DMXL1: variants seen among roughly 807,000 people sequenced by gnomAD.
The protein encoded by DMXL1 is dmX-like protein 1.
DMXL1 carries 99 observed loss-of-function variants against 319.2 expected under a neutral mutation model. The observed-to-expected ratio is 0.31, with a 90% CI of 0.26 to 0.37. The LOEUF (loss-of-function observed/expected upper bound fraction) is 0.37, where lower values mean the gene tolerates loss of function less well. Among genes scored for constraint, DMXL1 ranks in the 10% least tolerant of loss-of-function variants. The pLI is 1.00. For synonymous variants in DMXL1, 1,385 were observed against 1,235.2 expected (o/e 1.12, Z -2.54); for missense variants, 3,745 against 3,595.6 (o/e 1.04, Z -1.06).
At chr5:119,141,438 A>C (rs914082316) in intron 13 of DMXL1, among the ~76,000 whole-genome samples, 1 of 152,202 alleles carries the variant, frequency 6.6e-6, no homozygotes, top group Admixed American at 6.5e-5. Context: ...AGAAATGACT[A>C]GCATTCCTAT....
intron 1 of DMXL1, among the ~76,000 whole-genome samples, chr5:119,079,227 G>A (rs1268348110): frequency 6.6e-6 from 1 of 152,090 alleles, no homozygotes; most frequent in Non-Finnish European, 1.5e-5. Flanking sequence ...TCATTCAGAT[G>A]GCAGCTCCCT....
At chr5:119,119,765 C>T (rs1248693059) in intron 8 of DMXL1, among the ~76,000 whole-genome samples, 2 of 152,088 alleles carry the variant, frequency 1.3e-5, no homozygotes, top group East Asian at 3.8e-4. Flanking sequence ...CCTGCCTCGG[C>T]CTCCCAAAGG....
intron 1 of DMXL1, among the ~76,000 whole-genome samples, chr5:119,077,762 T>C (rs1170375802): frequency 7.0e-6 from 1 of 142,468 alleles, no homozygotes. Context: ...TAAGTGTGTG[T>C]GTGTGTGTGT....
chr5:119,119,084 T>TA lies in DMXL1; in HGVS notation c.933+87dup, dbSNP rs933756895. The TA allele has an allele frequency of 2.3e-5, 20 of 883,306 alleles. 1 individual carries two copies. The South Asian group carries it at 2.9e-4, about 13-fold the overall frequency. 54.7% of individuals were successfully genotyped at this position (883,306 alleles called of 1,614,324 possible). A position where few individuals can be genotyped will look rare whatever the true frequency, so the allele number is the denominator to read the frequency against. On this transcript the variant is annotated intron_variant, in intron 8 of 43. Transcript: ENST00000539542. ...CCTTTTTGGTAACACAGTAATGTTA[T>TA]AAAAAAACTATATCCTAGGAAAATA...
At chr5:119,120,633 C>T (rs1761837620) in intron 8 of DMXL1, among the ~76,000 whole-genome samples, 1 of 152,124 alleles carries the variant, frequency 6.6e-6, no homozygotes, top group Admixed American at 6.5e-5. Context: ...GTAGAGATAT[C>T]AGTCACAAAC....
chr5:119,175,243 T>C lies in DMXL1; in HGVS notation c.6682-18T>C. The C allele has an allele frequency of 6.3e-7, 1 of 1,594,240 alleles. No individual in the cohort carries two copies. The highest frequency in any genetic ancestry group is 1.3e-5 in the African/African-American group (1 of 74,266). ...TTAAAAAGGTTATACTTAAAGTAAT[T>C]TTGTTTTTGTTTTCCAGGTGTATGT... On this transcript the variant is annotated intron_variant, in intron 25 of 43. Transcript: ENST00000539542.
At chr5:119,194,570 G>T (rs892116564) in intron 30 of DMXL1, among the ~76,000 whole-genome samples, 4 of 152,312 alleles carry the variant, frequency 2.6e-5, no homozygotes, top group African/African-American at 9.6e-5. Flanking sequence ...GATAAAAAAT[G>T]TGAATTTTCC....
intron 1 of DMXL1, among the ~76,000 whole-genome samples, chr5:119,087,768 G>A (rs1047399806): frequency 6.6e-6 from 1 of 151,850 alleles, no homozygotes; most frequent in African/African-American, 2.4e-5. Flanking sequence ...TTATTGTATT[G>A]CATTCTATTT....
chr5:119,118,781 G>T, intron 7 of DMXL1, 34 bp from the exon 8 acceptor site: 2 of 1,516,760 alleles, frequency 1.3e-6, no homozygotes, highest in Non-Finnish European at 1.8e-6. Context: ...TGTGAAATTT[G>T]TATTTTTGCT....
chr5:119,196,827 A>G (rs1779727120), intron 31 of DMXL1, among the ~76,000 whole-genome samples: 1 of 152,218 alleles, frequency 6.6e-6, no homozygotes, highest in Admixed American at 6.5e-5. Flanking sequence ...GGGGCATGAT[A>G]ACATACTAAG....
chr5:119,088,751 T>C (rs1753922680), intron 1 of DMXL1, among the ~76,000 whole-genome samples: 1 of 152,190 alleles, frequency 6.6e-6, no homozygotes, highest in African/African-American at 2.4e-5. Flanking sequence ...TCTCAAAGAA[T>C]AGAAACAAAT....
At position 119,247,163 on chromosome 5, in the gene DMXL1, G is replaced by C; in HGVS notation, c.9091G>C (p.Asp3031His). The C allele has an allele frequency of 6.2e-7, 1 of 1,614,102 alleles. No homozygotes were observed. Among genetic ancestry groups the C allele is most frequent in the South Asian group, 1.1e-5 (1 of 91,084 alleles). Residue 3031 changes from aspartate (D) to histidine (H), a missense_variant, in exon 44 of 44, where the codon GAT (aspartate) becomes CAT (histidine). Physicochemically the swap from Asp to His is moderately conservative, Grantham distance 81 (BLOSUM62 -1). This residue lies in a region of DMXL1 where 262 missense variants were observed against 320.5 expected (regional missense o/e 0.82). Coordinates refer to ENST00000539542, the MANE Select transcript of DMXL1 (RefSeq NM_001290321.3). ...DGTMKMRILPDQFSPLNEVLK... is the reference protein window; with the variant it reads ...DGTMKMRILPHQFSPLNEVLK... Reference sequence around the variant, plus strand: ...AACAATGAAAATGAGAATACTGCCAGATCAGTTTAGCCCTTTAAATGAAGT... The same window carrying C: ...AACAATGAAAATGAGAATACTGCCACATCAGTTTAGCCCTTTAAATGAAGT...
At chr5:119,208,705 G>A (rs1335557600) in intron 34 of DMXL1, among the ~76,000 whole-genome samples, 5 of 152,002 alleles carry the variant, frequency 3.3e-5, no homozygotes, top group African/African-American at 7.3e-5. Context: ...AAAAATCTTT[G>A]TAAGGTATGC....
intron 1 of DMXL1, among the ~76,000 whole-genome samples, chr5:119,074,417 C>G (rs544921700): frequency 2.6e-5 from 4 of 152,306 alleles, no homozygotes; most frequent in African/African-American, 9.6e-5. Context: ...TCTTTTAGGA[C>G]AGTCCTGCTT....
At chr5:119,081,405 A>G (rs1408813590) in intron 1 of DMXL1, among the ~76,000 whole-genome samples, 2 of 152,212 alleles carry the variant, frequency 1.3e-5, no homozygotes, top group Non-Finnish European at 1.5e-5. Flanking sequence ...TGTGCGAGGC[A>G]TTGTTTATTG....
chr5:119,227,273 G>A (rs944027967), intron 38 of DMXL1, among the ~76,000 whole-genome samples: 1 of 151,966 alleles, frequency 6.6e-6, no homozygotes, highest in Non-Finnish European at 1.5e-5. Context: ...CTTCTAAAAT[G>A]TTTAATGTGT....
chr5:119,216,251 A>C (rs1184898388), intron 34 of DMXL1, among the ~76,000 whole-genome samples: 1 of 152,132 alleles, frequency 6.6e-6, no homozygotes, highest in East Asian at 1.9e-4. Flanking sequence ...AGATGTATAC[A>C]CTTTGTCTGG....
chr5:119,166,509 G>A lies in DMXL1; in HGVS notation c.4971-107G>A. The A allele has an allele frequency of 6.9e-6, 6 of 872,270 alleles. 1 individual carries two copies. The South Asian group carries it at 9.8e-5, about 14-fold the overall frequency. 54.0% of individuals were successfully genotyped at this position (872,270 alleles called of 1,614,324 possible). ...CAGATACATAGTAAGTTATGAACTG[G>A]CAGATGTTTCTATTTAGACTTAGCC... On this transcript the variant is annotated intron_variant, in intron 21 of 43. Coordinates refer to ENST00000539542, the MANE Select transcript of DMXL1 (RefSeq NM_001290321.3).
At chr5:119,132,853 A>G in intron 10 of DMXL1, 1 of 570,742 alleles carries the variant, frequency 1.8e-6, no homozygotes, top group Non-Finnish European at 3.3e-6. Flanking sequence ...TTCTCCTTTC[A>G]TCTGTGCAAG....
Sources: gnomAD v4.1 joint callset for allele counts (sites outside exome capture counted in the v4.1 genomes callset) on GRCh38, gnomAD v4.1.1 for gene constraint, gnomAD v4.1.1 regional missense constraint, MANE v1.5 for transcripts, NCBI Gene and HGNC (gene_info 2026-07-23, HGNC 2026-07-21) for gene names.